Variants in PRKN observed in about 807,000 individuals in gnomAD.
PRKN encodes the protein parkin RBR E3 ubiquitin protein ligase.
Under a neutral mutation model 59.5 loss-of-function variants are expected in PRKN, and 56 were observed. That is an observed-to-expected ratio of 0.94 (90% CI 0.76 to 1.18). The LOEUF is 1.18. Among genes scored for constraint, PRKN ranks in the 50% most tolerant of loss-of-function variants. The pLI, the probability that PRKN is intolerant of heterozygous loss-of-function variation, is 0.00. For synonymous variants in PRKN, 250 were observed against 222.1 expected (o/e 1.13, Z -1.12); for missense variants, 657 against 596.4 (o/e 1.10, Z -1.06).
intron 2 of PRKN, chr6:162,269,708 T>A (rs1397072396): frequency 6.6e-6 from 1 of 152,252 alleles, no homozygotes; most frequent in Non-Finnish European, 1.5e-5. Flanking sequence ...TGTTAAACTC[T>A]ATTTCCTCAT....
At chr6:162,324,968 A>G (rs964857992) in intron 2 of PRKN, among the ~76,000 whole-genome samples, 2 of 152,158 alleles carry the variant, frequency 1.3e-5, no homozygotes, top group African/African-American at 2.4e-5. Flanking sequence ...TGTTGCTTTA[A>G]TCCACTGGGT....
At chr6:162,651,576 T>A (rs1196515305) in intron 1 of PRKN, among the ~76,000 whole-genome samples, 1 of 152,186 alleles carries the variant, frequency 6.6e-6, no homozygotes, top group East Asian at 1.9e-4. Flanking sequence ...TAGTTACACC[T>A]CATAACCACA....
At chr6:162,198,470 A>G (rs1397017342) in intron 4 of PRKN, among the ~76,000 whole-genome samples, 1 of 151,868 alleles carries the variant, frequency 6.6e-6, no homozygotes, top group Non-Finnish European at 1.5e-5. Context: ...ATAAATATAT[A>G]TACATACATA....
chr6:162,650,274 C>A (rs1171048375), intron 1 of PRKN, among the ~76,000 whole-genome samples: 2 of 152,152 alleles, frequency 1.3e-5, no homozygotes, highest in African/African-American at 2.4e-5. Context: ...CTGCTGCACA[C>A]CCTCCACAAT....
At chr6:162,594,514 A>ATT (rs1309023269) in intron 1 of PRKN, among the ~76,000 whole-genome samples, 2 of 152,236 alleles carry the variant, frequency 1.3e-5, no homozygotes, top group East Asian at 3.9e-4. Context: ...ATTGTAATAT[A>ATT]TTTTGATTCT....
intron 9 of PRKN, among the ~76,000 whole-genome samples, chr6:161,394,081 T>C (rs1178845445): frequency 1.3e-5 from 2 of 152,210 alleles, no homozygotes; most frequent in African/African-American, 2.4e-5. Flanking sequence ...CACCAGCCGC[T>C]GATATATGCA....
chr6:162,455,447 C>T (rs542556691), intron 1 of PRKN, among the ~76,000 whole-genome samples: 5 of 152,252 alleles, frequency 3.3e-5, no homozygotes, highest in African/African-American at 4.8e-5. Context: ...CCCAAGGCAA[C>T]GTGTACAGCA....
chr6:162,376,593 AG>A (rs1245041920), intron 2 of PRKN, among the ~76,000 whole-genome samples: 1 of 151,240 alleles, frequency 6.6e-6, no homozygotes, highest in African/African-American at 2.4e-5. Flanking sequence ...GCCTCCAGAG[AG>A]GGGAGTTACT....
chr6:162,072,413 G>A (rs1044226689), intron 4 of PRKN, among the ~76,000 whole-genome samples: 1 of 152,196 alleles, frequency 6.6e-6, no homozygotes, highest in East Asian at 1.9e-4. Context: ...AGCAGCAGTA[G>A]GTTTTGCGGG....
Position 161,533,868 on chromosome 6 carries a change from G to T in PRKN, c.1083+14986C>A, listed in dbSNP as rs1056372643. Among the ~76,000 whole-genome samples, 6 of 152,054 alleles carry T rather than the reference G, an allele frequency of 3.9e-5. No individual in the cohort carries two copies. Among genetic ancestry groups the T allele is most frequent in the African/African-American group, 9.7e-5 (4 of 41,392 alleles). ...GGGATTTACCCTAGACTACGATGCT[G>T]CTTCACTAGTAGGAAGAGAAAAGAT... On this transcript the variant is annotated intron_variant, in intron 9 of 11. Coordinates refer to ENST00000366898, the MANE Select transcript of PRKN (RefSeq NM_004562.3). The surrounding 1 kb of genome is among the most constrained non-coding windows in gnomAD (Gnocchi z 4.1).
chr6:162,292,527 G>A (rs1360786562), intron 2 of PRKN, among the ~76,000 whole-genome samples: 1 of 152,164 alleles, frequency 6.6e-6, no homozygotes, highest in African/African-American at 2.4e-5. Context: ...GAATTGCACA[G>A]ATGTTGGTGA....
chr6:161,829,694 A>T (rs6907465), intron 6 of PRKN, among the ~76,000 whole-genome samples: 100,919 of 151,494 alleles, frequency 0.67, 33,804 homozygotes, highest in Non-Finnish European at 0.69. Context: ...CCCCTGCAGG[A>T]TGCCCCGGAG....
chr6:162,415,127 T>C (rs1480737407), intron 2 of PRKN, among the ~76,000 whole-genome samples: 1 of 152,158 alleles, frequency 6.6e-6, no homozygotes, highest in Non-Finnish European at 1.5e-5. Context: ...GGCAGAACCA[T>C]CAATTCCAGG....
At chr6:161,421,242 A>G (rs138942142) in intron 9 of PRKN, among the ~76,000 whole-genome samples, 1 of 152,282 alleles carries the variant, frequency 6.6e-6, no homozygotes, top group African/African-American at 2.4e-5. Flanking sequence ...GGGGTACTTA[A>G]GTATTAATTG....
At chr6:161,856,253 G>A (rs1050758784) in intron 6 of PRKN, among the ~76,000 whole-genome samples, 7 of 152,022 alleles carry the variant, frequency 4.6e-5, no homozygotes, top group East Asian at 1.9e-4. Context: ...CCAGCTGCTC[G>A]GGAAGCTGAG....
At chr6:161,596,897 T>C (rs1781934929) in intron 7 of PRKN, among the ~76,000 whole-genome samples, 2 of 152,204 alleles carry the variant, frequency 1.3e-5, no homozygotes, top group South Asian at 2.1e-4. Flanking sequence ...AGGGACTCTC[T>C]GACTCAGAGA....
At chr6:161,776,634 A>G (rs1409455786) in intron 7 of PRKN, among the ~76,000 whole-genome samples, 2 of 152,156 alleles carry the variant, frequency 1.3e-5, no homozygotes, top group African/African-American at 4.8e-5. Context: ...CCTAACCTAA[A>G]AGGTTACCAT....
At position 161,474,856 on chromosome 6, in the gene PRKN, A is replaced by C. The variant is rs187672982; in HGVS notation, c.1083+73998T>G. On this transcript the variant is annotated intron_variant, in intron 9 of 11. Transcript: ENST00000366898. ...TGACCTCGTAATCCACCTGCCTCAGACTCCCAAAGTGCTGAGATTACAGGT... is the reference window on the plus strand; with the variant it reads ...TGACCTCGTAATCCACCTGCCTCAGCCTCCCAAAGTGCTGAGATTACAGGT... Among the ~76,000 whole-genome samples the C allele has an allele frequency of 9.8e-3, 1,468 of 150,078 alleles. 19 individuals carry two copies. The highest frequency in any genetic ancestry group is 0.025 in the Middle Eastern group (7 of 284).
At chr6:162,664,676 G>A (rs2128228881) in intron 1 of PRKN, among the ~76,000 whole-genome samples, 1 of 152,092 alleles carries the variant, frequency 6.6e-6, no homozygotes, top group South Asian at 2.1e-4. Flanking sequence ...ATGTTTGTTG[G>A]CTGTGAAAAC....
Sources: allele counts gnomAD v4.1 joint callset (sites outside exome capture counted in the v4.1 genomes callset), GRCh38; gene constraint gnomAD v4.1.1; non-coding constraint Gnocchi (gnomAD v3.1); transcripts MANE v1.5; gene names NCBI Gene and HGNC (gene_info 2026-07-23, HGNC 2026-07-21).